Variants in TTC6 observed in about 807,000 individuals in gnomAD.
The protein encoded by TTC6 is tetratricopeptide repeat protein 6.
TTC6 carries 172 observed loss-of-function variants against 210.4 expected under a neutral mutation model. The observed-to-expected ratio is 0.82, with a 90% CI of 0.72 to 0.93. The LOEUF is 0.93. TTC6 is among the 40% of genes least tolerant of loss of function. The probability of loss-of-function intolerance (pLI) is 0.00; values close to 1 mark genes in which losing one functional copy is unlikely to be tolerated. For synonymous variants in TTC6, 804 were observed against 819.6 expected (o/e 0.98, Z 0.32); for missense variants, 2,414 against 2,318.1 (o/e 1.04, Z -0.85).
intron 10 of TTC6, among the ~76,000 whole-genome samples, chr14:37,748,272 G>C (rs2095941931): frequency 6.6e-6 from 1 of 152,126 alleles, no homozygotes; most frequent in Non-Finnish European, 1.5e-5. Flanking sequence ...ATTTCTCATA[G>C]TACATATTCA....
At chr14:37,829,547 A>T (rs183425365) in intron 29 of TTC6, among the ~76,000 whole-genome samples, 36 of 152,156 alleles carry the variant, frequency 2.4e-4, no homozygotes, top group Middle Eastern at 6.8e-3. Context: ...GTAATTTTTT[A>T]AAAAAAGTTT....
chr14:37,642,953 C>T (rs1049009708), intron 1 of TTC6, among the ~76,000 whole-genome samples: 1 of 152,154 alleles, frequency 6.6e-6, no homozygotes, highest in African/African-American at 2.4e-5. Flanking sequence ...GAATCACTGT[C>T]ATATATGGGG....
At chr14:37,801,632 G>C (rs981958496) in intron 20 of TTC6, among the ~76,000 whole-genome samples, 1 of 152,176 alleles carries the variant, frequency 6.6e-6, no homozygotes. Flanking sequence ...CTTATGGAGA[G>C]AGTGATGTGG....
At chr14:37,673,266 G>C (rs982983261) in intron 1 of TTC6, among the ~76,000 whole-genome samples, 2 of 152,106 alleles carry the variant, frequency 1.3e-5, no homozygotes, top group Non-Finnish European at 2.9e-5. Flanking sequence ...TGCCATCAGG[G>C]TTTTGCCTGC....
rs1326978118 is a variant in TTC6, at chr14:37,796,572, T to C, written c.3868+202T>C. On this transcript the variant is annotated intron_variant, in intron 19 of 30. Transcript: ENST00000553443. ...TGAGAGAGAATTTTTATGGGAAATA[T>C]TAAGCTTACAATTTTTCTATTTTTT... is the stretch of plus-strand genomic sequence containing the variant. Among the ~76,000 whole-genome samples, 3 of 152,098 alleles carry C rather than the reference T, an allele frequency of 2.0e-5. No homozygotes were observed. In the East Asian group the frequency reaches 5.8e-4, roughly 29 times the overall value.
At chr14:37,661,199 C>A (rs886726187) in intron 1 of TTC6, among the ~76,000 whole-genome samples, 1 of 152,114 alleles carries the variant, frequency 6.6e-6, no homozygotes, top group African/African-American at 2.4e-5. Context: ...AATTAGATCC[C>A]GTTTGTCAAT....
At chr14:37,673,627 CTGTTGCTG>C (rs1447510896) in intron 1 of TTC6, among the ~76,000 whole-genome samples, 1 of 152,110 alleles carries the variant, frequency 6.6e-6, no homozygotes, top group Non-Finnish European at 1.5e-5. Flanking sequence ...ACTGCGGCTT[CTGTTGCTG>C]TCCATCTGCT....
At chr14:37,804,016 G>A (rs1334367713) in intron 20 of TTC6, among the ~76,000 whole-genome samples, 1 of 152,076 alleles carries the variant, frequency 6.6e-6, no homozygotes, top group Non-Finnish European at 1.5e-5. Context: ...GTATTAAATG[G>A]CATTTCTATC....
At position 37,786,407 on chromosome 14, in the gene TTC6, G is replaced by C. The variant is rs867968737; in HGVS notation, c.3267-1061G>C. ...GCTAGCAGTGAGCAAGGCTCCGTGG[G>C]CGTGGGACCCTCCAAGCCAGGTGCG... On this transcript the variant is annotated intron_variant, in intron 14 of 30. Coordinates refer to ENST00000553443, the Ensembl canonical transcript of TTC6. 9.2e-5 allele frequency among the ~76,000 whole-genome samples: 14 copies of C among 152,358 alleles called. No individual in the cohort carries two copies. The Middle Eastern group carries it at 0.014, about 148-fold the overall frequency.
rs565988097 is a variant in TTC6 at position 37,710,184 on chromosome 14, A to G, written c.1572-4471A>G. ...GCCTCTCTCAGGCTTTTGTATACCA[A>G]AGAGCAAGATAAATTTGTTAAGGAA... On this transcript the variant is annotated intron_variant, in intron 5 of 30. Coordinates refer to ENST00000553443, the Ensembl canonical transcript of TTC6. Among the ~76,000 whole-genome samples, 16 of 152,226 alleles carry G rather than the reference A, an allele frequency of 1.1e-4. No individual in the cohort carries two copies. In the East Asian group the frequency reaches 2.7e-3, roughly 26 times the overall value.
chr14:37,749,742 A>G (rs1337118958), exon 12 of TTC6: 4 of 1,450,842 alleles, frequency 2.8e-6, no homozygotes, highest in Non-Finnish European at 3.6e-6. Context: ...TTGTTTCTCA[A>G]TGCCTATTGG....
chr14:37,782,582 A>G (rs886696146), intron 14 of TTC6, among the ~76,000 whole-genome samples: 6 of 151,914 alleles, frequency 3.9e-5, no homozygotes, highest in African/African-American at 1.2e-4. Context: ...AACAGGGACA[A>G]TTTGACTTCC....
chr14:37,695,759 A>C (rs1482062923), intron 3 of TTC6, among the ~76,000 whole-genome samples: 1 of 152,216 alleles, frequency 6.6e-6, no homozygotes, highest in Non-Finnish European at 1.5e-5. Context: ...TCCATTTTCC[A>C]TGATGTAATT....
At chr14:37,752,115 G>A (rs1595198118) in intron 13 of TTC6, among the ~76,000 whole-genome samples, 5 of 152,030 alleles carry the variant, frequency 3.3e-5, no homozygotes, top group South Asian at 2.1e-4. Context: ...GTGAGCCACC[G>A]TGCCCGGCCA....
intron 5 of TTC6, among the ~76,000 whole-genome samples, chr14:37,706,563 G>A (rs1179780382): frequency 6.6e-6 from 1 of 152,028 alleles, no homozygotes; most frequent in Non-Finnish European, 1.5e-5. Context: ...TGTCTATCAT[G>A]GAAGAATTTT....
chr14:37,823,767 C>T (rs780158238), exon 27 of TTC6: 2 of 1,613,772 alleles, frequency 1.2e-6, no homozygotes, highest in Admixed American at 1.7e-5. Context: ...TTTGAAGAAG[C>T]TGTCAATTTC....
chr14:37,807,252 A>G, intron 22 of TTC6, 68 bp from the exon 25 acceptor site: 4 of 1,355,544 alleles, frequency 3.0e-6, no homozygotes, highest in Non-Finnish European at 3.9e-6. Flanking sequence ...CAAGTAGCAT[A>G]TATTTTGGTA....
intron 5 of TTC6, among the ~76,000 whole-genome samples, chr14:37,703,274 C>G (rs55734217): frequency 0.057 from 8,682 of 152,036 alleles, 380 homozygotes; most frequent in Non-Finnish European, 0.089. Context: ...TATTTTTCTT[C>G]AAGTAGACCT....
intron 6 of TTC6, among the ~76,000 whole-genome samples, chr14:37,719,457 C>T (rs2138791606): frequency 6.6e-6 from 1 of 151,736 alleles, no homozygotes; most frequent in Admixed American, 6.6e-5. Context: ...TCCTGACTTA[C>T]TATATTACAG....
Sources: allele counts gnomAD v4.1 joint callset (sites outside exome capture counted in the v4.1 genomes callset), GRCh38; gene constraint gnomAD v4.1.1; transcripts MANE v1.5; gene names NCBI Gene and HGNC (gene_info 2026-07-23, HGNC 2026-07-21).